Variants in RTL4 observed in about 807,000 individuals in gnomAD.
RTL4 encodes retrotransposon Gag like 4.
RTL4 carries 4 observed loss-of-function variants against 5.3 expected under a neutral mutation model. The observed-to-expected ratio is 0.75, with a 90% CI of 0.37 to 1.72. RTL4 has a LOEUF of 1.72. RTL4 is among the 40% of genes most tolerant of loss of function. RTL4 has a pLI of 0.04. For synonymous variants in RTL4, 98 were observed against 87.3 expected, an observed-to-expected ratio of 1.12 and a Z score of -0.68; for missense variants, 260 against 227.1, an observed-to-expected ratio of 1.14 and a Z score of -0.93.
At chrX:112,153,971 T>C in the RTL4 span, among the ~76,000 whole-genome samples, 3 of 111,245 alleles carry the variant, frequency 2.7e-5, no homozygotes, top group Admixed American at 2.9e-4. Context: ...ATTATGTATA[T>C]GTTGATATAC....
the RTL4 span, among the ~76,000 whole-genome samples, chrX:112,131,745 G>T: frequency 9.0e-6 from 1 of 110,978 alleles, no homozygotes; most frequent in African/African-American, 3.3e-5. Context: ...GGAAAAGAAA[G>T]AGGGGTAAGT....
chrX:112,266,007 G>C, the RTL4 span, among the ~76,000 whole-genome samples: 2 of 110,303 alleles, frequency 1.8e-5, no homozygotes, highest in African/African-American at 6.6e-5. Context: ...AGTTTGACGG[G>C]AGTGTTATAG....
the RTL4 span, among the ~76,000 whole-genome samples, chrX:112,436,227 A>T: frequency 1.5e-5 from 1 of 65,261 alleles, no homozygotes; most frequent in Non-Finnish European, 2.8e-5. Flanking sequence ...ATAACAAAAC[A>T]AAAAAAAAAA....
chrX:112,336,725 T>A, the RTL4 span, among the ~76,000 whole-genome samples: 1 of 112,062 alleles, frequency 8.9e-6, no homozygotes, highest in Non-Finnish European at 1.9e-5. Flanking sequence ...ACAGCACATA[T>A]ATGGAACATT....
chrX:112,329,462 G>A, the RTL4 span, among the ~76,000 whole-genome samples: 35 of 111,148 alleles, frequency 3.1e-4, no homozygotes, highest in African/African-American at 1.1e-3. Context: ...AAACCAGGAA[G>A]AAGTTGAATC....
At chrX:112,397,257 T>C in the RTL4 span, among the ~76,000 whole-genome samples, 1 of 112,302 alleles carries the variant, frequency 8.9e-6, no homozygotes, top group Non-Finnish European at 1.9e-5. Context: ...TACATTTTCC[T>C]GTATACTTTA....
the RTL4 span, among the ~76,000 whole-genome samples, chrX:112,244,136 T>A: frequency 8.9e-6 from 1 of 112,052 alleles, no homozygotes; most frequent in African/African-American, 3.2e-5. Context: ...AATTTTAGAA[T>A]AAGTGTGATG....
At chrX:112,196,329 T>A in the RTL4 span, among the ~76,000 whole-genome samples, 1 of 111,963 alleles carries the variant, frequency 8.9e-6, no homozygotes, top group East Asian at 2.8e-4. Context: ...TTCCTTCTTA[T>A]TGCTGAGTAG....
chrX:112,255,887 A>T, the RTL4 span, among the ~76,000 whole-genome samples: 1 of 111,864 alleles, frequency 8.9e-6, no homozygotes, highest in African/African-American at 3.2e-5. Flanking sequence ...AAATGAAATG[A>T]CCGTAATACT....
the RTL4 span, among the ~76,000 whole-genome samples, chrX:112,394,833 T>C: frequency 3.6e-5 from 4 of 112,256 alleles, 1 homozygote. Flanking sequence ...GTATGGTAAA[T>C]TCTTTTTATG....
the RTL4 span, among the ~76,000 whole-genome samples, chrX:112,222,414 C>T: frequency 0.011 from 1,196 of 111,396 alleles, 12 homozygotes; most frequent in African/African-American, 0.036. Context: ...TTCATATCTT[C>T]TGCAATAGTA....
the RTL4 span, among the ~76,000 whole-genome samples, chrX:112,106,140 G>C: frequency 8.9e-6 from 1 of 112,033 alleles, no homozygotes; most frequent in Non-Finnish European, 1.9e-5. Context: ...TGGTTATATG[G>C]TTTGGTCATT....
At chrX:112,345,113 A>G in the RTL4 span, among the ~76,000 whole-genome samples, 40 of 111,151 alleles carry the variant, frequency 3.6e-4, no homozygotes, top group African/African-American at 6.2e-4. Context: ...AAACCATATC[A>G]CCATGCAAGG....
chrX:112,307,060 C>T, the RTL4 span, among the ~76,000 whole-genome samples: 1 of 111,680 alleles, frequency 9.0e-6, no homozygotes, highest in African/African-American at 3.3e-5. Context: ...TACTATTCTC[C>T]ACAGTTTTCA....
chrX:112,190,751 G>A, the RTL4 span, among the ~76,000 whole-genome samples: 1 of 112,092 alleles, frequency 8.9e-6, no homozygotes, highest in Non-Finnish European at 1.9e-5. Context: ...GTCTGAGAGT[G>A]GTTTAGAAGC....
the RTL4 span, among the ~76,000 whole-genome samples, chrX:112,194,473 C>G: frequency 9.0e-6 from 1 of 111,633 alleles, no homozygotes; most frequent in Admixed American, 9.5e-5. Context: ...GGAGCCCTCA[C>G]CATAACTCAA....
At chrX:112,239,531 A>G in the RTL4 span, among the ~76,000 whole-genome samples, 207 of 111,241 alleles carry the variant, frequency 1.9e-3, 1 homozygote, top group African/African-American at 6.3e-3. Flanking sequence ...TCCAACACAC[A>G]TGGCAGCAAC....
At chrX:112,316,178 C>T in the RTL4 span, among the ~76,000 whole-genome samples, 1 of 112,043 alleles carries the variant, frequency 8.9e-6, no homozygotes, top group Admixed American at 9.5e-5. Context: ...TTTTAATTTG[C>T]ATATCTCTGA....
the RTL4 span, among the ~76,000 whole-genome samples, chrX:112,190,184 C>CTTTCTTTCTTTCTTTCTTTCTT: frequency 3.1e-5 from 3 of 98,014 alleles, no homozygotes; most frequent in East Asian, 6.0e-4. Context: ...TTCTTTCTTT[C>CTTTCTTTCTTTCTTTCTTTCTT]TTTCTTTCTT....
Sources: allele counts gnomAD v4.1 joint callset (sites outside exome capture counted in the v4.1 genomes callset), GRCh38; gene constraint gnomAD v4.1.1; transcripts MANE v1.5; gene names NCBI Gene and HGNC (gene_info 2026-07-23, HGNC 2026-07-21).